The following PPP1R9A variants were observed in gnomAD, a reference collection of about 807,000 sequenced individuals.
The protein encoded by PPP1R9A is protein phosphatase 1 regulatory subunit 9A.
PPP1R9A carries 59 observed loss-of-function variants against 141.9 expected under a neutral mutation model. That is an observed-to-expected ratio of 0.42 (90% CI 0.34 to 0.52). PPP1R9A has a LOEUF of 0.52. Among genes scored for constraint, PPP1R9A ranks in the 20% least tolerant of loss-of-function variants. The pLI, the probability that PPP1R9A is intolerant of heterozygous loss-of-function variation, is 0.10. For synonymous variants in PPP1R9A, 500 were observed against 569.7 expected, an observed-to-expected ratio of 0.88 and a Z score of 1.74; for missense variants, 1,444 against 1,611.9, an observed-to-expected ratio of 0.90 and a Z score of 1.78.
At chr7:95,280,210 C>T (rs1803940502) in intron 16 of PPP1R9A, among the ~76,000 whole-genome samples, 3 of 152,158 alleles carry the variant, frequency 2.0e-5, no homozygotes, top group Admixed American at 6.6e-5. Flanking sequence ...TTACTTCATT[C>T]GATTTAGGTA....
At chr7:95,087,844 G>A (rs1048051186) in intron 2 of PPP1R9A, among the ~76,000 whole-genome samples, 3 of 151,006 alleles carry the variant, frequency 2.0e-5, no homozygotes, top group African/African-American at 7.3e-5. Context: ...GCAGTGAGCC[G>A]AGATCGTGCC....
intron 5 of PPP1R9A, among the ~76,000 whole-genome samples, chr7:95,162,250 A>T (rs575251679): frequency 6.6e-6 from 1 of 152,336 alleles, no homozygotes; most frequent in South Asian, 2.1e-4. Context: ...ATTTCTAGTT[A>T]AAACCTCAAT....
In PPP1R9A at chr7:95,288,794, G is replaced by A. The variant is rs74486219; in HGVS notation, c.3912+76G>A. ...CATATCACCTAAAATGTTTTCATTA[G>A]GTAAGAGCATTCTGCATATCTGAGA... On this transcript the variant is annotated intron_variant, in intron 19 of 19. Coordinates refer to ENST00000433360, the MANE Select transcript of PPP1R9A (RefSeq NM_001166160.2). 130 of 1,502,706 alleles carry A rather than the reference G, an allele frequency of 8.7e-5. 3 individuals are homozygous for A. In the East Asian group the frequency reaches 2.4e-3, roughly 27 times the overall value. 93.1% of individuals were successfully genotyped at this position (1,502,706 alleles called of 1,614,324 possible).
At chr7:95,157,233 AG>A (rs137979409) in intron 4 of PPP1R9A, among the ~76,000 whole-genome samples, 4,704 of 152,210 alleles carry the variant, frequency 0.031, 271 homozygotes, top group African/African-American at 0.11. Flanking sequence ...CTGCAGGGGC[AG>A]GGGGGCCTTC....
At chr7:95,185,596 C>G (rs902879874) in intron 5 of PPP1R9A, among the ~76,000 whole-genome samples, 4 of 151,416 alleles carry the variant, frequency 2.6e-5, no homozygotes, top group Admixed American at 6.6e-5. Context: ...GTCATGAACT[C>G]TTTGCCTAAG....
intron 2 of PPP1R9A, among the ~76,000 whole-genome samples, chr7:95,076,289 T>C (rs1035171107): frequency 6.6e-6 from 1 of 152,190 alleles, no homozygotes; most frequent in Non-Finnish European, 1.5e-5. Flanking sequence ...TGGCATATTT[T>C]GCAATGGCCT....
In PPP1R9A at chr7:95,235,980, G is replaced by C. The variant is rs1387168063; in HGVS notation, c.2112+9864G>C. 2.6e-5 allele frequency among the ~76,000 whole-genome samples: 4 copies of C among 152,244 alleles called. No individual in the cohort carries two copies. In the East Asian group the frequency reaches 7.7e-4, roughly 29 times the overall value. On this transcript the variant is annotated intron_variant, in intron 8 of 19. Coordinates refer to ENST00000433360, the MANE Select transcript of PPP1R9A (RefSeq NM_001166160.2). The stretch of plus-strand genomic sequence containing the variant: ...AGGCATGAGTGATAAGTTGGACTTT[G>C]GAGACTCAAGTGAAAAGGTGGGGTG...
intron 2 of PPP1R9A, among the ~76,000 whole-genome samples, chr7:95,027,455 G>A (rs543630547): frequency 5.3e-5 from 8 of 152,218 alleles, no homozygotes; most frequent in Admixed American, 2.6e-4. Flanking sequence ...TGTGTACCTC[G>A]GTTGGAAATG....
At chr7:95,058,451 G>C (rs1811782535) in intron 2 of PPP1R9A, among the ~76,000 whole-genome samples, 1 of 152,176 alleles carries the variant, frequency 6.6e-6, no homozygotes, top group Admixed American at 6.5e-5. Flanking sequence ...GACTAAAGGG[G>C]AGAATGTAAA....
intron 2 of PPP1R9A, among the ~76,000 whole-genome samples, chr7:94,999,542 A>G (rs776041739): frequency 2.6e-5 from 4 of 152,194 alleles, no homozygotes; most frequent in Non-Finnish European, 4.4e-5. Flanking sequence ...AAAACACCAA[A>G]TAATTTAGTT....
intron 5 of PPP1R9A, among the ~76,000 whole-genome samples, chr7:95,174,356 C>T (rs956163530): frequency 2.0e-5 from 3 of 152,080 alleles, no homozygotes; most frequent in East Asian, 3.9e-4. Flanking sequence ...CTCAGAATCA[C>T]GAAGGGAGGG....
At chr7:95,103,133 G>A (rs1209063102) in intron 2 of PPP1R9A, among the ~76,000 whole-genome samples, 1 of 152,022 alleles carries the variant, frequency 6.6e-6, no homozygotes, top group Non-Finnish European at 1.5e-5. Flanking sequence ...TGGCCTGCAG[G>A]CCTACCCTGC....
intron 7 of PPP1R9A, among the ~76,000 whole-genome samples, chr7:95,215,128 C>A (rs1383691072): frequency 4.9e-5 from 6 of 121,996 alleles, no homozygotes; most frequent in Non-Finnish European, 8.3e-5. Flanking sequence ...CCCCTCCCCC[C>A]ACCCACAACA....
chr7:95,251,720 T>C, intron 10 of PPP1R9A, 42 bp from the exon 11 acceptor site: 5 of 1,544,932 alleles, frequency 3.2e-6, no homozygotes, highest in Non-Finnish European at 4.4e-6. Flanking sequence ...CTTTCATTTA[T>C]TGAGTGTATG....
chr7:95,176,711 A>G (rs919608268), intron 5 of PPP1R9A, among the ~76,000 whole-genome samples: 2 of 152,194 alleles, frequency 1.3e-5, no homozygotes, highest in African/African-American at 2.4e-5. Context: ...ACACACTTAT[A>G]GAAATGCAAA....
intron 4 of PPP1R9A, among the ~76,000 whole-genome samples, chr7:95,146,826 T>G (rs2152619162): frequency 6.6e-6 from 1 of 152,328 alleles, no homozygotes; most frequent in African/African-American, 2.4e-5. Context: ...GTGTTGTTTC[T>G]GAGGCCTCTG....
In PPP1R9A at chr7:95,228,431, G is replaced by A. The variant is rs573940098; in HGVS notation, c.2112+2315G>A. On this transcript the variant is annotated intron_variant, in intron 8 of 19. Transcript: ENST00000433360. ...GTTTCCAAATAGCCAACAAAAGTTG[G>A]CTAGCCCTTTTATTAAATGCTCCTT... 1.8e-4 allele frequency among the ~76,000 whole-genome samples: 28 copies of A among 152,256 alleles called. No homozygotes were observed. In the South Asian group the frequency reaches 5.8e-3, roughly 32 times the overall value.
chr7:95,064,641 G>A (rs1812708262), intron 2 of PPP1R9A, among the ~76,000 whole-genome samples: 1 of 152,192 alleles, frequency 6.6e-6, no homozygotes. Context: ...TGACCTGTCA[G>A]CAAATGCCAA....
chr7:95,137,738 T>C (rs1243016038), intron 4 of PPP1R9A, among the ~76,000 whole-genome samples: 1 of 152,086 alleles, frequency 6.6e-6, no homozygotes, highest in African/African-American at 2.4e-5. Context: ...AAAATGCATA[T>C]GGAAATGCAA....
Sources: allele counts gnomAD v4.1 joint callset (sites outside exome capture counted in the v4.1 genomes callset), GRCh38; gene constraint gnomAD v4.1.1; transcripts MANE v1.5; gene names NCBI Gene and HGNC (gene_info 2026-07-23, HGNC 2026-07-21).